Variants in ENO3 observed in about 807,000 individuals in gnomAD.
The protein encoded by ENO3 is beta-enolase.
ENO3 carries 46 observed loss-of-function variants against 47.7 expected under a neutral mutation model. The ratio of observed to expected loss-of-function variants is 0.96; its 90% CI spans 0.76 to 1.23. The LOEUF is 1.23. Among genes scored for constraint, ENO3 ranks in the 50% most tolerant of loss-of-function variants. The probability of loss-of-function intolerance (pLI) is 0.00; values close to 1 mark genes in which losing one functional copy is unlikely to be tolerated. For missense variants in ENO3, 575 were observed against 566.2 expected (o/e 1.02, Z -0.16); for synonymous variants, 223 against 225.9 (o/e 0.99, Z 0.11).
rs74853608 is a variant in ENO3, at chr17:4,954,621, T to G, written c.445-454T>G. ...AGGTGCTATCCCCATTTTACAGAAA[T>G]GAGGAAAGAGAGGCTGGGCACAGTG... On this transcript the variant is annotated intron_variant, in intron 6 of 11. Transcript: ENST00000519602. Among the ~76,000 whole-genome samples the G allele has an allele frequency of 5.4e-4, 82 of 152,158 alleles. No homozygotes were observed. In the East Asian group the frequency reaches 0.012, roughly 22 times the overall value.
Position 4,956,509 on chromosome 17 carries a change from C to A in ENO3, c.1068-64C>A, listed in dbSNP as rs527919583. On this transcript the variant is annotated intron_variant, in intron 9 of 11. Coordinates refer to ENST00000519602, the MANE Select transcript of ENO3 (RefSeq NM_053013.4). ...CCCAAAACAGAAGGGAGAGGCCCCA[C>A]CCAACCCCTGCTTTCCCACTGAGGA... 4 of 1,550,954 alleles carry A rather than the reference C, an allele frequency of 2.6e-6. No homozygotes were observed. In the East Asian group the frequency reaches 9.0e-5, roughly 35 times the overall value.
At position 4,953,610 on chromosome 17, in the gene ENO3, A is replaced by G. The variant is rs1971620583; in HGVS notation, c.311-102A>G. 5 of 1,602,138 alleles carry G rather than the reference A, an allele frequency of 3.1e-6. No individual in the cohort carries two copies. The Admixed American group carries it at 5.0e-5, about 16-fold the overall frequency. On this transcript the variant is annotated intron_variant, in intron 5 of 11. Coordinates refer to ENST00000519602, the MANE Select transcript of ENO3 (RefSeq NM_053013.4). ...CTGTTGGGGAGAGATCTGTTAACCA[A>G]TTCTTCATGCTCAGTGGTTTGGAGC...
At chr17:4,955,756 C>G in intron 8 of ENO3, 152 bp downstream of exon 8, 2 of 1,312,482 alleles carry the variant, frequency 1.5e-6, no homozygotes, top group South Asian at 2.4e-5. Flanking sequence ...CCTGTCACCC[C>G]TCCATGAGGC....
upstream of ENO3, among the ~76,000 whole-genome samples, chr17:4,949,732 C>T (rs1436494980): frequency 6.6e-6 from 1 of 152,136 alleles, no homozygotes; most frequent in East Asian, 1.9e-4. Flanking sequence ...CGAGCGCGGC[C>T]CGGGCGGAAA....
chr17:4,956,691 G>C lies in ENO3; in HGVS notation c.1176+10G>C. The C allele has an allele frequency of 6.2e-7, 1 of 1,614,172 alleles. No homozygotes were observed. Among genetic ancestry groups the C allele is most frequent in the East Asian group, 2.2e-5 (1 of 44,880 alleles). On this transcript the variant is annotated intron_variant, in intron 10 of 11. Coordinates refer to ENST00000519602, the MANE Select transcript of ENO3 (RefSeq NM_053013.4). ...GCTCTGCACAGGACAGGTACTTGTA[G>C]CTTCTCTCTACTGAGTGTCTCACCA...
chr17:4,952,038 C>A (rs1292613729), intron 2 of ENO3, 124 bp downstream of exon 2: 11 of 1,042,232 alleles, frequency 1.1e-5, no homozygotes, highest in Admixed American at 5.9e-5. Context: ...TCTTCCCAAG[C>A]CCCCTTCTTC....
chr17:4,955,386 C>T (rs2151143017), intron 7 of ENO3, 21 bp from the exon 8 acceptor site: 1 of 1,614,208 alleles, frequency 6.2e-7, no homozygotes, highest in East Asian at 2.2e-5. Flanking sequence ...AGTCTCAGGT[C>T]CTTTCTTGGT....
chr17:4,956,720 T>A (rs916301975), intron 10 of ENO3, 39 bp downstream of exon 10: 8 of 1,613,988 alleles, frequency 5.0e-6, no homozygotes, highest in Admixed American at 1.7e-5. Context: ...CTCACCAAGT[T>A]TTCTTGGGGT....
intron 1 of ENO3, 173 bp downstream of exon 1, chr17:4,951,355 C>A: frequency 1.1e-6 from 1 of 906,192 alleles, no homozygotes; most frequent in Non-Finnish European, 1.4e-6. Context: ...CTGGGAACAC[C>A]GAAGGATCTA....
In ENO3 at chr17:4,955,438, G is replaced by A. The variant is rs745882984; in HGVS notation, c.699G>A (p.Ala233=). 1.1e-5 allele frequency: 17 copies of A among 1,614,114 alleles called. No individual in the cohort carries two copies. Among genetic ancestry groups the A allele is most frequent in the Admixed American group, 5.0e-5 (3 of 60,012 alleles). Residue 233 remains alanine, a synonymous_variant, in exon 8 of 12, where the codon GCG becomes GCA. Coordinates refer to ENST00000519602, the MANE Select transcript of ENO3 (RefSeq NM_053013.4). ...ALELLKTAIQ[A]AGYPDKVVIG... is the part of the protein sequence containing the mutation. ...AGCTGCTGAAGACGGCCATCCAGGC[G>A]GCTGGTTACCCAGACAAGGTGGTGA...
upstream of ENO3, chr17:4,950,932 T>G: frequency 1.4e-6 from 1 of 735,586 alleles, no homozygotes; most frequent in Non-Finnish European, 1.7e-6. Context: ...AGACAGAAAG[T>G]GGGGGATAGT....
At chr17:4,950,710 C>T (rs1971515874), upstream of ENO3, 3 of 974,274 alleles carry the variant, frequency 3.1e-6, no homozygotes, top group Non-Finnish European at 3.7e-6. Flanking sequence ...GCGATCTGAG[C>T]ATGTGTGGAC....
chr17:4,955,697 A>G (rs1384621971), intron 8 of ENO3, 93 bp downstream of exon 8: 1 of 1,554,376 alleles, frequency 6.4e-7, no homozygotes, highest in Admixed American at 1.7e-5. Flanking sequence ...ATCGACTTGG[A>G]TCCTTCCAAT....
At chr17:4,950,533 A>T, upstream of ENO3, 1 of 984,600 alleles carries the variant, frequency 1.0e-6, no homozygotes, top group Non-Finnish European at 1.2e-6. Context: ...GGCCTGTCTA[A>T]ATTCGTTTCC....
chr17:4,951,978 C>A, intron 2 of ENO3, 64 bp downstream of exon 2: 1 of 1,547,528 alleles, frequency 6.5e-7, no homozygotes, highest in South Asian at 1.1e-5. Flanking sequence ...CTTTGCCCCC[C>A]AGTTCTGTGC....
chr17:4,952,041 CCTT>C lies in ENO3; in HGVS notation c.85+132_85+134del, dbSNP rs774134875. 4 of 1,040,550 alleles carry C rather than the reference CCTT, an allele frequency of 3.8e-6. No individual in the cohort carries two copies. In the African/African-American group the frequency reaches 6.3e-5, roughly 16 times the overall value. The allele number at this position is 1,040,550 out of a possible 1,614,324, so 64.5% of individuals were successfully genotyped here. A position where few individuals can be genotyped will look rare whatever the true frequency, so the allele number is the denominator to read the frequency against. Reference sequence around the variant, plus strand: ...CTTTCCCAGACTTCTTCCCAAGCCCCCTTCTTCCAACGTGGAACCAGAGCTGGA... The same window carrying C: ...CTTTCCCAGACTTCTTCCCAAGCCCCCTTCCAACGTGGAACCAGAGCTGGA... On this transcript the variant is annotated intron_variant, in intron 2 of 11. Transcript: ENST00000519602.
intron 9 of ENO3, 152 bp from the exon 10 acceptor site, chr17:4,956,419 TAA>T (rs781404494): frequency 3.6e-6 from 3 of 823,112 alleles, no homozygotes; most frequent in East Asian, 5.1e-5. Context: ...GAAATCAAGA[TAA>T]GTCTTTTCCT....
Position 4,952,783 on chromosome 17 carries a change from C to T in ENO3, c.86-12C>T, listed in dbSNP as rs1439961061. The T allele has an allele frequency of 6.2e-7, 1 of 1,601,614 alleles. No individual in the cohort carries two copies. Among genetic ancestry groups the T allele is most frequent in the South Asian group, 1.1e-5 (1 of 89,384 alleles). ...AGCCATCCCTGTGATCTTCCAATTC[C>T]TCCTGTCCCAGGCCGATTCCGAGCA... On this transcript the variant is annotated splice_polypyrimidine_tract_variant and intron_variant, in intron 2 of 11. Transcript: ENST00000519602.
chr17:4,952,968 C>T (rs1393074116), intron 3 of ENO3, 78 bp downstream of exon 3: 2 of 1,609,098 alleles, frequency 1.2e-6, no homozygotes, highest in Admixed American at 3.3e-5. Flanking sequence ...AGGACTGGAA[C>T]CCCCAAGGCT....
Sources: gnomAD v4.1 joint callset for allele counts (sites outside exome capture counted in the v4.1 genomes callset) on GRCh38, gnomAD v4.1.1 for gene constraint, MANE v1.5 for transcripts, NCBI Gene and HGNC (gene_info 2026-07-23, HGNC 2026-07-21) for gene names.